The following KAZN variants were observed in gnomAD, a reference collection of about 807,000 sequenced individuals.
KAZN encodes kazrin.
A neutral mutation model predicts 87.4 loss-of-function variants in KAZN; 40 were observed. That is an observed-to-expected ratio of 0.46 (90% CI 0.36 to 0.60). The LOEUF (loss-of-function observed/expected upper bound fraction) is 0.60, where lower values mean the gene tolerates loss of function less well. KAZN is among the 20% of genes least tolerant of loss of function. The probability of loss-of-function intolerance (pLI) is 0.00; values close to 1 mark genes in which losing one functional copy is unlikely to be tolerated. For synonymous variants in KAZN, 466 were observed against 458.3 expected (o/e 1.02, Z -0.22); for missense variants, 898 against 1,073.9 (o/e 0.84, Z 2.29).
chr1:14,143,052 C>G (rs1376122184), intron 1 of KAZN, among the ~76,000 whole-genome samples: 1 of 152,162 alleles, frequency 6.6e-6, no homozygotes, highest in Non-Finnish European at 1.5e-5. Flanking sequence ...AGGAACATCA[C>G]CTAATGAGGC....
At chr1:14,809,642 T>C (rs192431899) in intron 1 of KAZN, among the ~76,000 whole-genome samples, 73 of 152,338 alleles carry the variant, frequency 4.8e-4, no homozygotes, top group Non-Finnish European at 5.6e-4. Flanking sequence ...TTTGGTTTGA[T>C]TTTTTAAAAA....
chr1:14,616,138 C>G (rs1678218426), intron 1 of KAZN, among the ~76,000 whole-genome samples: 1 of 152,206 alleles, frequency 6.6e-6, no homozygotes, highest in African/African-American at 2.4e-5. Flanking sequence ...CTGGTCTTTA[C>G]TTTGCAGTTG....
intron 1 of KAZN, among the ~76,000 whole-genome samples, chr1:14,040,803 A>AAAATAAAATTAAATTAAATTAAAT (rs752887419): frequency 2.7e-5 from 4 of 150,660 alleles, no homozygotes; most frequent in Non-Finnish European, 4.4e-5. Context: ...TTAAATTAAA[A>AAAATAAAATTAAATTAAATTAAAT]TAAAATAAAA....
At chr1:14,992,969 T>C (rs1410694515) in intron 2 of KAZN, among the ~76,000 whole-genome samples, 1 of 147,242 alleles carries the variant, frequency 6.8e-6, no homozygotes, top group Admixed American at 6.8e-5. Flanking sequence ...GTAAATTTTA[T>C]GATAGGTATA....
intron 2 of KAZN, among the ~76,000 whole-genome samples, chr1:14,378,227 A>G (rs1329033515): frequency 6.6e-6 from 1 of 152,220 alleles, no homozygotes; most frequent in Non-Finnish European, 1.5e-5. Context: ...TATGCTTATC[A>G]GTAATGGGAG....
intron 1 of KAZN, among the ~76,000 whole-genome samples, chr1:14,808,994 A>T (rs1175014600): frequency 6.6e-6 from 1 of 152,328 alleles, no homozygotes; most frequent in Non-Finnish European, 1.5e-5. Flanking sequence ...TAAAACAACA[A>T]CAACAAAAAG....
intron 2 of KAZN, among the ~76,000 whole-genome samples, chr1:14,254,919 G>A (rs980995512): frequency 7.9e-5 from 12 of 151,812 alleles, no homozygotes; most frequent in Middle Eastern, 3.4e-3. Flanking sequence ...TCAGGAGTTC[G>A]AGACCAGCCT....
chr1:14,411,560 A>G (rs1664304448), intron 2 of KAZN, among the ~76,000 whole-genome samples: 1 of 152,248 alleles, frequency 6.6e-6, no homozygotes, highest in African/African-American at 2.4e-5. Flanking sequence ...TTGGCCTCCC[A>G]AAGTGCTGGG....
At chr1:14,403,032 G>C (rs1663544541) in intron 2 of KAZN, among the ~76,000 whole-genome samples, 1 of 152,044 alleles carries the variant, frequency 6.6e-6, no homozygotes, top group African/African-American at 2.4e-5. Context: ...TCGCCACATT[G>C]GTCAGGCTGG....
Position 14,472,761 on chromosome 1 carries a change from A to G in KAZN, c.250-126222A>G, listed in dbSNP as rs1668522039. ...GTGAGATAGGAATACAGTGAGGTGA[A>G]TCCTAAACTGGCTTTCCTTATTCTC... On this transcript the variant is annotated intron_variant, in intron 2 of 16. Transcript: ENST00000636203. 2.0e-5 allele frequency among the ~76,000 whole-genome samples: 3 copies of G among 152,144 alleles called. No homozygotes were observed. The South Asian group carries it at 6.2e-4, about 32-fold the overall frequency.
intron 2 of KAZN, among the ~76,000 whole-genome samples, chr1:14,565,398 T>C (rs1356157962): frequency 6.6e-6 from 1 of 152,216 alleles, no homozygotes; most frequent in African/African-American, 2.4e-5. Context: ...AAACATTTTA[T>C]TCCTAAAAAA....
At chr1:13,979,940 A>G (rs1208102821) in intron 1 of KAZN, among the ~76,000 whole-genome samples, 2 of 151,898 alleles carry the variant, frequency 1.3e-5, no homozygotes, top group Non-Finnish European at 2.9e-5. Flanking sequence ...CAAAAAAAAA[A>G]AAAAAAAAAA....
intron 1 of KAZN, among the ~76,000 whole-genome samples, chr1:14,861,183 GCCTGGCCAA>G (rs1650804561): frequency 2.0e-5 from 3 of 152,216 alleles, no homozygotes; most frequent in African/African-American, 7.2e-5. Context: ...TTTGAGACCA[GCCTGGCCAA>G]CATAGTGAAA....
In KAZN at chr1:14,940,420, C is replaced by G. The variant is rs557671991; in HGVS notation, c.227-20264C>G. Among the ~76,000 whole-genome samples the G allele has an allele frequency of 7.4e-4, 112 of 152,368 alleles. 1 individual carries two copies. The highest frequency in any genetic ancestry group is 2.5e-3 in the African/African-American group (106 of 41,588). ...CACTTGAGGATCTTACACACTGAGT[C>G]TGTTTCCTTGACATGATGACCCCTC... On this transcript the variant is annotated intron_variant, in intron 1 of 14. Transcript: ENST00000376030.
chr1:14,918,169 G>A (rs1001097861), intron 1 of KAZN, among the ~76,000 whole-genome samples: 7 of 152,146 alleles, frequency 4.6e-5, no homozygotes, highest in Admixed American at 2.0e-4. Context: ...GAGCCACTGC[G>A]TCTGGCCAAG....
rs773375799 is a variant in KAZN, at chr1:15,114,545, A to T, written c.2238A>T (p.Gln746His). 10 of 1,611,004 alleles carry T rather than the reference A, an allele frequency of 6.2e-6. No homozygotes were observed. The East Asian group carries it at 2.0e-4, about 32-fold the overall frequency. ...TCCATGATGACTATGGCTCTCTTCA[A>T]AACGAAGATTGCGGAGACGATGACC... ...PDFHDDYGSLQNEDCGDDDPQ... is the reference protein window; with the variant it reads ...PDFHDDYGSLHNEDCGDDDPQ... Residue 746 changes from glutamine to histidine, a missense_variant, in exon 15 of 15, where the codon CAA (glutamine) becomes CAT (histidine). Around this residue, in one of 3 missense-constraint regions of KAZN, gnomAD observed 127 missense variants for 121.5 expected, o/e 1.04. Transcript: ENST00000376030.
intron 2 of KAZN, among the ~76,000 whole-genome samples, chr1:14,250,801 G>A (rs560546647): frequency 1.3e-5 from 2 of 151,660 alleles, no homozygotes; most frequent in African/African-American, 4.8e-5. Flanking sequence ...TGTCTATAAA[G>A]GAACTAATCA....
At chr1:14,864,691 ACCCTCCAT>A (rs1651253857) in intron 1 of KAZN, among the ~76,000 whole-genome samples, 1 of 151,888 alleles carries the variant, frequency 6.6e-6, no homozygotes, top group African/African-American at 2.4e-5. Context: ...TTTTTGCACC[ACCCTCCAT>A]CCCCCAACAG....
chr1:14,415,827 GTGT>G (rs199547614), intron 2 of KAZN, among the ~76,000 whole-genome samples: 3,305 of 152,170 alleles, frequency 0.022, 50 homozygotes, highest in Middle Eastern at 0.037. Flanking sequence ...CCTTGTGCTT[GTGT>G]TGTTGTCTTG....
Sources: allele counts gnomAD v4.1 joint callset (sites outside exome capture counted in the v4.1 genomes callset), GRCh38; gene constraint gnomAD v4.1.1; regional missense constraint gnomAD v4.1.1; transcripts MANE v1.5; gene names NCBI Gene and HGNC (gene_info 2026-07-23, HGNC 2026-07-21).